The following MATR3 variants were observed in gnomAD, a reference collection of about 807,000 sequenced individuals.
The protein encoded by MATR3 is matrin 3, also known as matrin-3.
In MATR3, 4 loss-of-function variants were observed where a neutral mutation model predicts 85.5. The observed-to-expected ratio is 0.05, with a 90% CI of 0.02 to 0.11. The LOEUF is 0.11. MATR3 is among the 10% of genes least tolerant of loss of function. MATR3 has a pLI of 1.00. For missense variants in MATR3, 685 were observed against 1,016.1 expected (o/e 0.67, Z 4.43); for synonymous variants, 336 against 343.1 (o/e 0.98, Z 0.23).
At chr5:139,309,730 G>A (rs981208388) in intron 2 of MATR3, among the ~76,000 whole-genome samples, 2 of 152,056 alleles carry the variant, frequency 1.3e-5, no homozygotes, top group African/African-American at 2.4e-5. Flanking sequence ...TCCTAAATTT[G>A]TTGGCTCTAC....
At chr5:139,304,111 T>A (rs1280722866) in intron 1 of MATR3, among the ~76,000 whole-genome samples, 2 of 152,252 alleles carry the variant, frequency 1.3e-5, no homozygotes, top group Non-Finnish European at 2.9e-5. Context: ...AATGTGAAGC[T>A]AACATTTTTA....
chr5:139,300,316 G>C (rs1754374212), intron 1 of MATR3, among the ~76,000 whole-genome samples: 1 of 152,152 alleles, frequency 6.6e-6, no homozygotes. Context: ...AGTGAGCCAA[G>C]ATCACGCCAT....
At chr5:139,312,148 T>C (rs1326523870) in intron 2 of MATR3, 1 of 152,202 alleles carries the variant, frequency 6.6e-6, no homozygotes, top group Non-Finnish European at 1.5e-5. Context: ...TTGTTTTATG[T>C]TTTTGAGAAA....
chr5:139,286,629 GA>G (rs1409272632), intron 3 of MATR3, among the ~76,000 whole-genome samples: 2 of 151,842 alleles, frequency 1.3e-5, no homozygotes, highest in Non-Finnish European at 2.9e-5. Flanking sequence ...CAAATCGCTT[GA>G]GGTCAGGAGT....
At chr5:139,297,260 G>T (rs537517700) in intron 1 of MATR3, among the ~76,000 whole-genome samples, 3 of 152,306 alleles carry the variant, frequency 2.0e-5, no homozygotes, top group Admixed American at 1.3e-4. Flanking sequence ...AGGGTTATAG[G>T]CTGGGAGTGT....
At chr5:139,287,941 T>G (rs371142923) in intron 3 of MATR3, among the ~76,000 whole-genome samples, 5 of 151,790 alleles carry the variant, frequency 3.3e-5, no homozygotes, top group African/African-American at 1.2e-4. Context: ...CCGGGCATGG[T>G]GGCTCACACC....
chr5:139,314,574 C>T, intron 2 of MATR3, 101 bp from the exon 3 acceptor site: 1 of 897,378 alleles, frequency 1.1e-6, no homozygotes, highest in Non-Finnish European at 1.8e-6. Context: ...TTTGTACAGC[C>T]TATGATACTG....
At chr5:139,318,875 A>G in intron 7 of MATR3, 33 bp from the exon 8 acceptor site, 3 of 1,612,968 alleles carry the variant, frequency 1.9e-6, no homozygotes, top group South Asian at 2.2e-5. Flanking sequence ...CTGATTGGAA[A>G]AAACAGAGAA....
chr5:139,283,426 C>G (rs1420823362), intron 3 of MATR3: 1 of 152,282 alleles, frequency 6.6e-6, no homozygotes, highest in Non-Finnish European at 1.5e-5. Context: ...GGGGGCAGAA[C>G]AGACAAGTTC....
At chr5:139,326,068 A>G (rs1755839040) in intron 13 of MATR3, 95 bp from the exon 14 acceptor site, 1 of 1,154,938 alleles carries the variant, frequency 8.7e-7, no homozygotes, top group African/African-American at 1.5e-5. Context: ...TCTCAAAAAC[A>G]TGTTGTTTCA....
Position 139,307,983 on chromosome 5 carries a change from G to T in MATR3, c.568G>T (p.Asp190Tyr). Residue 190 changes from aspartate to tyrosine, a missense_variant, in exon 2 of 15, where the codon GAT (aspartate) becomes TAT (tyrosine). Physicochemically the swap from Asp to Tyr is radical, Grantham distance 160 (BLOSUM62 -3). Coordinates refer to ENST00000394805, the MANE Select transcript of MATR3 (RefSeq NM_018834.6). This position sits in a 1 kb window ranked among gnomAD's most constrained non-coding sequence, Gnocchi z 4.4. ...AAGGCACTTTAGAAGAGATAGTTTT[G>T]ATGATCGTGGTCCTAGTCTCAACCC... is the stretch of plus-strand genomic sequence containing the variant. ...EKRHFRRDSF[D>Y]DRGPSLNPVL... The T allele has an allele frequency of 6.2e-7, 1 of 1,614,142 alleles. No homozygotes were observed. The highest frequency in any genetic ancestry group is 1.1e-5 in the South Asian group (1 of 91,066).
chr5:139,317,746 T>C lies in MATR3; in HGVS notation c.1308+25T>C, dbSNP rs2304068. 1.6e-3 allele frequency: 2,379 copies of C among 1,522,644 alleles called. 21 individuals carry two copies. In the East Asian group the frequency reaches 0.02, roughly 13 times the overall value. The allele number at this position is 1,522,644 out of a possible 1,614,324, so 94.3% of individuals were successfully genotyped here. A position where few individuals can be genotyped will look rare whatever the true frequency, so the allele number is the denominator to read the frequency against. On this transcript the variant is annotated intron_variant, in intron 7 of 14. Coordinates refer to ENST00000394805, the MANE Select transcript of MATR3 (RefSeq NM_018834.6). ...GGTATGAATTGAAATATTGGTATTA[T>C]TCATTTATTCATGCCACTAATATAT...
chr5:139,293,030 C>G (rs1446486734), upstream of MATR3, among the ~76,000 whole-genome samples: 2 of 152,124 alleles, frequency 1.3e-5, no homozygotes, highest in Non-Finnish European at 2.9e-5. Flanking sequence ...GGCGGGAGCA[C>G]TGCTTGAGCC....
At chr5:139,319,859 G>GT (rs1755454555) in intron 9 of MATR3, among the ~76,000 whole-genome samples, 5 of 26,278 alleles carry the variant, frequency 1.9e-4, no homozygotes, top group South Asian at 1.1e-3. Context: ...AAAAAAATTT[G>GT]CTTTTTTTTT....
At chr5:139,298,431 T>C (rs996724209) in intron 1 of MATR3, among the ~76,000 whole-genome samples, 6 of 151,828 alleles carry the variant, frequency 4.0e-5, no homozygotes, top group Admixed American at 2.6e-4. Context: ...AATTAGCGGG[T>C]CGTGATGGCG....
At chr5:139,315,094 G>T (rs546465836) in intron 3 of MATR3, 1 of 217,882 alleles carries the variant, frequency 4.6e-6, no homozygotes, top group African/African-American at 2.3e-5. Flanking sequence ...ACGGAAAAGA[G>T]GGTAGGTTAT....
In MATR3 at chr5:139,322,623, A is replaced by G. The variant is rs1458642967; in HGVS notation, c.1804A>G (p.Lys602Glu). Residue 602 changes from lysine to glutamate, a missense_variant, in exon 12 of 15, where the codon AAA (lysine) becomes GAA (glutamate). Physicochemically the swap from Lys to Glu is moderately conservative, Grantham distance 56 (BLOSUM62 1). Transcript: ENST00000394805. ...SRKRSYSPDG[K>E]ESPSDKKSKT... Reference sequence around the variant, plus strand: ...AAAAAGATCTTACTCTCCAGATGGCAAAGAATCTCCAAGTGATAAGAAATC... The same window carrying G: ...AAAAAGATCTTACTCTCCAGATGGCGAAGAATCTCCAAGTGATAAGAAATC... The G allele has an allele frequency of 6.2e-7, 1 of 1,614,236 alleles. No homozygotes were observed. The highest frequency in any genetic ancestry group is 2.2e-5 in the East Asian group (1 of 44,884).
chr5:139,320,041 G>C (rs1465633959), intron 9 of MATR3, among the ~76,000 whole-genome samples: 1 of 148,052 alleles, frequency 6.8e-6, no homozygotes, highest in African/African-American at 2.5e-5. Flanking sequence ...AGTCGCAGTG[G>C]CTCACGCCTG....
rs768948705 is a variant in MATR3 at position 139,331,455 on chromosome 5, T to G, written c.*2060T>G. ...GTTGAAGGAAAGAATGCTATGTTTT[T>G]AATACCTACATTTGAGAGCATTTAG... On this transcript the variant is annotated 3_prime_UTR_variant, in exon 15 of 15. Transcript: ENST00000394805. 4 of 454,170 alleles carry G rather than the reference T, an allele frequency of 8.8e-6. No homozygotes were observed. Among genetic ancestry groups the G allele is most frequent in the Non-Finnish European group, 1.8e-5 (4 of 226,802 alleles). The allele number at this position is 454,170 out of a possible 1,614,324, so 28.1% of individuals were successfully genotyped here. A position where few individuals can be genotyped will look rare whatever the true frequency, so the allele number is the denominator to read the frequency against.
Sources: gnomAD v4.1 joint callset for allele counts (sites outside exome capture counted in the v4.1 genomes callset) on GRCh38, gnomAD v4.1.1 for gene constraint, Gnocchi (gnomAD v3.1) non-coding constraint, MANE v1.5 for transcripts, NCBI Gene and HGNC (gene_info 2026-07-23, HGNC 2026-07-21) for gene names.